TAF4B: variants seen among roughly 807,000 people sequenced by gnomAD.
The protein encoded by TAF4B is transcription initiation factor TFIID subunit 4B.
A neutral mutation model predicts 86.4 loss-of-function variants in TAF4B; 38 were observed. The observed-to-expected ratio is 0.44, with a 90% confidence interval of 0.34 to 0.58. The LOEUF is 0.58. TAF4B is among the 20% of genes least tolerant of loss of function. The pLI is 0.02. For synonymous variants in TAF4B, 388 were observed against 391.2 expected, an observed-to-expected ratio of 0.99 and a Z score of 0.10; for missense variants, 988 against 1,027.6, an observed-to-expected ratio of 0.96 and a Z score of 0.53.
At chr18:26,326,091 C>T (rs976857905) in intron 11 of TAF4B, among the ~76,000 whole-genome samples, 1 of 152,154 alleles carries the variant, frequency 6.6e-6, no homozygotes, top group Non-Finnish European at 1.5e-5. Context: ...TACAGTTTCT[C>T]TTGAATATCC....
chr18:26,286,423 A>C lies in TAF4B; in HGVS notation c.1514A>C (p.Gln505Pro), dbSNP rs1253867086. 6.2e-7 allele frequency: 1 copy of C among 1,614,062 alleles called. No individual in the cohort carries two copies. Among genetic ancestry groups the C allele is most frequent in the Non-Finnish European group, 8.5e-7 (1 of 1,180,036 alleles). Residue 505 changes from glutamine to proline, a missense_variant, in exon 7 of 15, where the codon CAA (glutamine) becomes CCA (proline). Coordinates refer to ENST00000269142, the MANE Select transcript of TAF4B (RefSeq NM_005640.3). Reference protein sequence around the residue: ...SDKPVIGTPVQIKLAQPGPVL... With the variant: ...SDKPVIGTPVPIKLAQPGPVL... ...AAGCCTGTTATTGGGACTCCAGTTCAAATCAAACTTGCCCAGCCGGGCCCT... is the reference window on the plus strand; with the variant it reads ...AAGCCTGTTATTGGGACTCCAGTTCCAATCAAACTTGCCCAGCCGGGCCCT...
intron 9 of TAF4B, among the ~76,000 whole-genome samples, chr18:26,310,321 G>C (rs2056840345): frequency 6.6e-6 from 1 of 152,202 alleles, no homozygotes; most frequent in Non-Finnish European, 1.5e-5. Context: ...TGGGTACTGT[G>C]TGGATGTGTG....
At chr18:26,358,506 C>T (rs368467355) in intron 14 of TAF4B, among the ~76,000 whole-genome samples, 9 of 152,228 alleles carry the variant, frequency 5.9e-5, no homozygotes, top group Admixed American at 3.3e-4. Flanking sequence ...GTCAGGAGAT[C>T]GAGACCATCC....
intron 5 of TAF4B, among the ~76,000 whole-genome samples, chr18:26,278,590 T>C (rs1329389984): frequency 1.5e-4 from 23 of 150,720 alleles, no homozygotes; most frequent in Non-Finnish European, 5.9e-5. Flanking sequence ...ATTACAGGTG[T>C]GAGCCACTGT....
At chr18:26,325,978 C>T (rs2057000535) in intron 11 of TAF4B, among the ~76,000 whole-genome samples, 1 of 152,128 alleles carries the variant, frequency 6.6e-6, no homozygotes, top group Non-Finnish European at 1.5e-5. Flanking sequence ...TTAATTGAAT[C>T]AACCATAAGC....
intron 14 of TAF4B, among the ~76,000 whole-genome samples, chr18:26,369,424 A>G (rs769379916): frequency 2.0e-5 from 3 of 152,216 alleles, no homozygotes; most frequent in Non-Finnish European, 4.4e-5. Context: ...TAAGACAAAG[A>G]TGGTGTGCTG....
At chr18:26,309,245 ATTT>A (rs59457633) in intron 9 of TAF4B, among the ~76,000 whole-genome samples, 19 of 84,568 alleles carry the variant, frequency 2.2e-4, no homozygotes, top group East Asian at 5.5e-4. Flanking sequence ...ACCTGACAGT[ATTT>A]TTTTTTTTTT....
intron 10 of TAF4B, among the ~76,000 whole-genome samples, chr18:26,316,468 G>C (rs1201629008): frequency 2.6e-4 from 40 of 151,838 alleles, no homozygotes; most frequent in African/African-American, 9.0e-4. Flanking sequence ...TTGGCTCACT[G>C]CAGCCTCTGC....
At chr18:26,313,361 C>T (rs1276487099) in intron 9 of TAF4B, among the ~76,000 whole-genome samples, 2 of 152,174 alleles carry the variant, frequency 1.3e-5, no homozygotes, top group Non-Finnish European at 2.9e-5. Context: ...TGATTCCTTA[C>T]ATTCTTAATG....
intron 14 of TAF4B, among the ~76,000 whole-genome samples, chr18:26,365,314 C>G (rs1398663317): frequency 5.3e-5 from 8 of 152,110 alleles, no homozygotes; most frequent in Admixed American, 4.6e-4. Flanking sequence ...GCCTATAATT[C>G]TGTTCTTGAG....
At chr18:26,237,499 G>A (rs191216731) in intron 1 of TAF4B, among the ~76,000 whole-genome samples, 132 of 152,062 alleles carry the variant, frequency 8.7e-4, no homozygotes, top group Non-Finnish European at 9.4e-4. Flanking sequence ...TTTTTTTTGT[G>A]GTCCCTTGGA....
chr18:26,249,170 C>CAAAA (rs796850643), intron 1 of TAF4B, among the ~76,000 whole-genome samples: 1 of 112,908 alleles, frequency 8.9e-6, no homozygotes, highest in Non-Finnish European at 1.9e-5. Context: ...GACTCCATAT[C>CAAAA]AAAAAAAAAA....
intron 7 of TAF4B, among the ~76,000 whole-genome samples, chr18:26,288,045 G>A (rs1186753855): frequency 6.6e-6 from 1 of 152,150 alleles, no homozygotes; most frequent in East Asian, 1.9e-4. Flanking sequence ...CTTAAACATT[G>A]TTCTGGGCAG....
At chr18:26,255,048 A>G (rs1352875408) in intron 1 of TAF4B, among the ~76,000 whole-genome samples, 1 of 152,184 alleles carries the variant, frequency 6.6e-6, no homozygotes, top group Non-Finnish European at 1.5e-5. Flanking sequence ...GGAAAACAAG[A>G]GTAGCCAGCC....
At chr18:26,257,451 G>A (rs935619941) in intron 1 of TAF4B, among the ~76,000 whole-genome samples, 4 of 152,002 alleles carry the variant, frequency 2.6e-5, no homozygotes, top group African/African-American at 9.7e-5. Flanking sequence ...TATATCTCTT[G>A]TAAGGAGCAT....
chr18:26,263,434 C>T (rs2056197062), intron 1 of TAF4B, among the ~76,000 whole-genome samples: 2 of 152,052 alleles, frequency 1.3e-5, no homozygotes, highest in Non-Finnish European at 2.9e-5. Flanking sequence ...TTAATCTTTG[C>T]TTGTCTATGT....
In TAF4B at chr18:26,315,388, T is replaced by C. The variant is rs3826624; in HGVS notation, c.1992T>C (p.Ile664=). 0.017 allele frequency: 28,007 copies of C among 1,611,536 alleles called. 2,743 individuals carry two copies. In the African/African-American group the frequency reaches 0.26, roughly 15 times the overall value. The part of the protein sequence containing the change: ...FLFIGALQKR[I]LDIGKKHDIT... ...TTATTGGAGCTCTACAAAAGAGAAT[T>C]TTAGACATTGGTAAGTGTAGAGTTA... is the stretch of plus-strand genomic sequence containing the variant. The change falls in exon 10 of 15, where the codon ATT becomes ATC. Residue 664 remains isoleucine, a synonymous_variant. Transcript: ENST00000269142.
intron 14 of TAF4B, among the ~76,000 whole-genome samples, chr18:26,389,466 T>C (rs987889238): frequency 1.4e-4 from 21 of 152,362 alleles, no homozygotes; most frequent in Admixed American, 1.4e-3. Context: ...CATACAGCTT[T>C]GAAATCATCA....
chr18:26,268,912 C>T (rs1035862163), intron 3 of TAF4B, among the ~76,000 whole-genome samples: 6 of 152,058 alleles, frequency 3.9e-5, no homozygotes, highest in African/African-American at 1.2e-4. Context: ...AACCCCTACT[C>T]CCTGGGTTCC....
Sources: gnomAD v4.1 joint callset for allele counts (sites outside exome capture counted in the v4.1 genomes callset) on GRCh38, gnomAD v4.1.1 for gene constraint, MANE v1.5 for transcripts, NCBI Gene and HGNC (gene_info 2026-07-23, HGNC 2026-07-21) for gene names.